Variants in DOK5 observed in about 807,000 individuals in gnomAD.
DOK5 encodes the protein downstream of tyrosine kinase 5.
In DOK5, 27 loss-of-function variants were observed where a neutral mutation model predicts 43.3. That is an observed-to-expected ratio of 0.62 (90% CI 0.46 to 0.86). The LOEUF (loss-of-function observed/expected upper bound fraction) is 0.86, where lower values mean the gene tolerates loss of function less well. Ranked by LOEUF, DOK5 falls within the 40% of genes least tolerant of loss-of-function variation. The probability of loss-of-function intolerance (pLI) is 0.00; values close to 1 mark genes in which losing one functional copy is unlikely to be tolerated. For missense variants in DOK5, 373 were observed against 392.9 expected (o/e 0.95, Z 0.43); for synonymous variants, 146 against 140.1 (o/e 1.04, Z -0.30).
intron 1 of DOK5, among the ~76,000 whole-genome samples, chr20:54,484,335 C>A (rs1030282152): frequency 6.6e-6 from 1 of 151,406 alleles, no homozygotes; most frequent in Admixed American, 6.6e-5. Context: ...GCCGAGATTG[C>A]GCCACTGCAC....
Position 54,515,719 on chromosome 20 carries a change from C to A in DOK5, c.67-39214C>A, listed in dbSNP as rs905242021. On this transcript the variant is annotated intron_variant, in intron 1 of 7. Coordinates refer to ENST00000262593, the MANE Select transcript of DOK5 (RefSeq NM_018431.5). ...TTAATTTGTTTACCAAGAAGAAAAT[C>A]ATTTTTTTGTATTGGTTACCAATGA... Among the ~76,000 whole-genome samples, 7 of 152,282 alleles carry A rather than the reference C, an allele frequency of 4.6e-5. 1 individual carries two copies.
chr20:54,502,495 T>C (rs570310980), intron 1 of DOK5, among the ~76,000 whole-genome samples: 2 of 152,156 alleles, frequency 1.3e-5, no homozygotes, highest in African/African-American at 2.4e-5. Context: ...TTCAAAAGGG[T>C]ATACAGGAAA....
chr20:54,545,161 A>G (rs1428795391), intron 1 of DOK5, among the ~76,000 whole-genome samples: 1 of 152,208 alleles, frequency 6.6e-6, no homozygotes, highest in Admixed American at 6.5e-5. Flanking sequence ...AATCCCTTTC[A>G]TTGTCTTAAT....
rs149604940 is a variant in DOK5 at position 54,588,545 on chromosome 20, C to G, written c.237C>G (p.Ala79=). 1 of 1,613,958 alleles carries G rather than the reference C, an allele frequency of 6.2e-7. No homozygotes were observed. Among genetic ancestry groups the G allele is most frequent in the African/African-American group, 1.3e-5 (1 of 74,870 alleles). Residue 79 remains alanine, a synonymous_variant, in exon 3 of 8, where the codon GCC becomes GCG. Coordinates refer to ENST00000262593, the MANE Select transcript of DOK5 (RefSeq NM_018431.5). Reference sequence around the variant, plus strand: ...TGCCAAAAAGCACCAAGAAACATGCCATAGGGATTTATTTCAATGACGATA... The same window carrying G: ...TGCCAAAAAGCACCAAGAAACATGCGATAGGGATTTATTTCAATGACGATA... ...ARLPKSTKKH[A]IGIYFNDDTS...
chr20:54,612,136 C>T (rs952332629), intron 6 of DOK5, among the ~76,000 whole-genome samples: 9 of 152,194 alleles, frequency 5.9e-5, no homozygotes, highest in African/African-American at 2.2e-4. Context: ...TTGATTTTCT[C>T]TCAACCATTA....
At chr20:54,501,466 C>CAAAAAAA (rs76224592) in intron 1 of DOK5, among the ~76,000 whole-genome samples, 2 of 19,452 alleles carry the variant, frequency 1.0e-4, no homozygotes, top group Non-Finnish European at 1.9e-4. Context: ...GACTCACTCT[C>CAAAAAAA]AAAAAAAAAA....
At chr20:54,573,869 A>G (rs1297022802) in intron 2 of DOK5, among the ~76,000 whole-genome samples, 1 of 152,152 alleles carries the variant, frequency 6.6e-6, no homozygotes, top group Non-Finnish European at 1.5e-5. Flanking sequence ...TTCAGTGTGC[A>G]GCTTTAATTC....
intron 6 of DOK5, among the ~76,000 whole-genome samples, chr20:54,642,549 C>CA (rs66463305): frequency 0.53 from 51,441 of 96,444 alleles, 14,890 homozygotes; most frequent in East Asian, 0.89. Flanking sequence ...ACTAAAAATA[C>CA]AAAAAAAAAA....
At chr20:54,504,927 CTT>C (rs1401859214) in intron 1 of DOK5, among the ~76,000 whole-genome samples, 1 of 152,084 alleles carries the variant, frequency 6.6e-6, no homozygotes, top group Non-Finnish European at 1.5e-5. Flanking sequence ...GACCTCATGA[CTT>C]TGAGTTTCTG....
chr20:54,535,559 C>G (rs1195554015), intron 1 of DOK5, among the ~76,000 whole-genome samples: 1 of 151,400 alleles, frequency 6.6e-6, no homozygotes, highest in Non-Finnish European at 1.5e-5. Context: ...AGTGATATAT[C>G]TCCAGTTTTG....
At chr20:54,603,803 C>G (rs183836473) in intron 5 of DOK5, among the ~76,000 whole-genome samples, 27 of 152,236 alleles carry the variant, frequency 1.8e-4, no homozygotes, top group African/African-American at 6.5e-4. Context: ...CAATGAAACT[C>G]CTAGAACCTA....
chr20:54,494,173 T>C (rs1982301462), intron 1 of DOK5, among the ~76,000 whole-genome samples: 1 of 152,242 alleles, frequency 6.6e-6, no homozygotes, highest in Non-Finnish European at 1.5e-5. Context: ...GAATGAATGA[T>C]GAGTGAATGA....
chr20:54,601,338 A>C (rs765649852), intron 5 of DOK5, among the ~76,000 whole-genome samples: 9 of 152,372 alleles, frequency 5.9e-5, no homozygotes, highest in Admixed American at 2.0e-4. Flanking sequence ...CATTTCTTAT[A>C]ACTGCTATTG....
In DOK5 at chr20:54,646,248, G is replaced by GTTTTTTTTTTT. The variant is rs386394048; in HGVS notation, c.856+2684_856+2694dup. On this transcript the variant is annotated intron_variant, in intron 7 of 7. Transcript: ENST00000262593. ...TACTGTTATATCCACTGGTTATACT[G>GTTTTTTTTTTT]TTTTTTTTTTTTTTTTTTTTTTTTG... Among the ~76,000 whole-genome samples the GTTTTTTTTTTT allele has an allele frequency of 9.6e-4, 77 of 79,932 alleles. 5 individuals are homozygous for GTTTTTTTTTTT. The highest frequency in any genetic ancestry group is 1.9e-3 in the African/African-American group (37 of 18,992). The allele number at this position is 79,932 out of a possible 152,430, so 52.4% of individuals were successfully genotyped here. A position where few individuals can be genotyped will look rare whatever the true frequency, so the allele number is the denominator to read the frequency against.
chr20:54,478,431 A>G (rs979368360), intron 1 of DOK5, among the ~76,000 whole-genome samples: 2 of 152,228 alleles, frequency 1.3e-5, no homozygotes, highest in African/African-American at 2.4e-5. Context: ...GAGGTAGGGC[A>G]TTTATTTTGT....
chr20:54,510,620 C>A (rs746687568), intron 1 of DOK5, among the ~76,000 whole-genome samples: 10 of 152,036 alleles, frequency 6.6e-5, no homozygotes, highest in Non-Finnish European at 1.0e-4. Context: ...GATCCCATGG[C>A]CTAGTTTTGG....
chr20:54,518,224 T>C (rs1360401289), intron 1 of DOK5, among the ~76,000 whole-genome samples: 1 of 152,146 alleles, frequency 6.6e-6, no homozygotes, highest in African/African-American at 2.4e-5. Context: ...GCTGCACCCA[T>C]TAACTCGTCA....
At chr20:54,548,227 T>G (rs1984410368) in intron 1 of DOK5, among the ~76,000 whole-genome samples, 1 of 149,776 alleles carries the variant, frequency 6.7e-6, no homozygotes, top group Admixed American at 6.6e-5. Context: ...GGATTACCTA[T>G]CTTTTATTTA....
At chr20:54,573,686 C>CAAAAA (rs1321685949) in intron 2 of DOK5, among the ~76,000 whole-genome samples, 2 of 50,950 alleles carry the variant, frequency 3.9e-5, no homozygotes, top group African/African-American at 6.4e-5. Context: ...GACTCCATCT[C>CAAAAA]AAAAAAAAAA....
Sources: gnomAD v4.1 joint callset for allele counts (sites outside exome capture counted in the v4.1 genomes callset) on GRCh38, gnomAD v4.1.1 for gene constraint, MANE v1.5 for transcripts, NCBI Gene and HGNC (gene_info 2026-07-23, HGNC 2026-07-21) for gene names.